Variants in COG6 observed in about 807,000 individuals in gnomAD.
COG6 encodes component of oligomeric golgi complex 6, also known as conserved oligomeric Golgi complex subunit 6.
A neutral mutation model predicts 88.8 loss-of-function variants in COG6; 74 were observed. The ratio of observed to expected loss-of-function variants is 0.83; its 90% CI spans 0.69 to 1.01. The LOEUF (loss-of-function observed/expected upper bound fraction) is 1.01, where lower values mean the gene tolerates loss of function less well. Among genes scored for constraint, COG6 ranks in the 50% least tolerant of loss-of-function variants. COG6 has a pLI of 0.00. For missense variants in COG6, 800 were observed against 797.9 expected, an observed-to-expected ratio of 1.00 and a Z score of -0.03; for synonymous variants, 286 against 278.7, an observed-to-expected ratio of 1.03 and a Z score of -0.26.
chr13:39,656,786 A>G, intron 1 of COG6: 1 of 455,502 alleles, frequency 2.2e-6, no homozygotes, highest in Non-Finnish European at 4.4e-6. Context: ...GTGCATCATG[A>G]TTTGAGTAAG....
At chr13:39,773,871 C>CTTTTTTTTTTTTTTTTTT (rs5803011) in intron 18 of COG6, among the ~76,000 whole-genome samples, 1 of 144,778 alleles carries the variant, frequency 6.9e-6, no homozygotes. Context: ...GACATTTTTG[C>CTTTTTTTTTTTTTTTTTT]TTTTTTTTTT....
Position 39,723,452 on chromosome 13 carries a change from G to T in COG6, c.1692+12G>T. ...ATAAACCTGAACAGGTAAGTGCATA[G>T]ATGTTCCTTCCTAATTCTAAGAACA... On this transcript the variant is annotated intron_variant, in intron 16 of 18. Transcript: ENST00000455146. 1.4e-6 allele frequency: 2 copies of T among 1,418,934 alleles called. No individual in the cohort carries two copies. The highest frequency in any genetic ancestry group is 2.0e-6 in the Non-Finnish European group (2 of 1,002,896). 87.9% of individuals were successfully genotyped at this position (1,418,934 alleles called of 1,614,324 possible).
At chr13:39,700,748 C>A (rs181899861) in intron 13 of COG6, among the ~76,000 whole-genome samples, 43 of 151,876 alleles carry the variant, frequency 2.8e-4, no homozygotes, top group Admixed American at 2.8e-3. Context: ...TTATAGAATT[C>A]TATGATTTAT....
intron 13 of COG6, 91 bp downstream of exon 13, chr13:39,699,709 A>G: frequency 1.4e-6 from 1 of 729,446 alleles, no homozygotes; most frequent in Admixed American, 2.0e-5. Context: ...AACTTTTCCC[A>G]TTACATTCTG....
At position 39,778,422 on chromosome 13, in the gene COG6, A is replaced by G. The variant is rs538588213; in HGVS notation, c.1827-9913A>G. On this transcript the variant is annotated intron_variant, in intron 18 of 18. Transcript: ENST00000416691. ...GTGCATTATTGATTTCTAAGTGTCTAAAAACACATCAGAATTTGCTGCAGC... is the reference window on the plus strand; with the variant it reads ...GTGCATTATTGATTTCTAAGTGTCTGAAAACACATCAGAATTTGCTGCAGC... Among the ~76,000 whole-genome samples the G allele has an allele frequency of 1.7e-4, 26 of 152,366 alleles. No homozygotes were observed. The South Asian group carries it at 5.2e-3, about 30-fold the overall frequency.
intron 12 of COG6, among the ~76,000 whole-genome samples, chr13:39,696,781 A>G (rs1182117020): frequency 6.6e-6 from 1 of 151,402 alleles, no homozygotes; most frequent in Non-Finnish European, 1.5e-5. Context: ...GTTACTCTGG[A>G]TATTCTGTGA....
chr13:39,730,899 A>C (rs1381065755), intron 18 of COG6, among the ~76,000 whole-genome samples: 1 of 150,690 alleles, frequency 6.6e-6, no homozygotes, highest in Non-Finnish European at 1.5e-5. Context: ...TCAGCTCACT[A>C]CAGCCTCCAT....
chr13:39,775,095 G>A (rs1209930206), intron 18 of COG6, among the ~76,000 whole-genome samples: 1 of 152,160 alleles, frequency 6.6e-6, no homozygotes, highest in Non-Finnish European at 1.5e-5. Flanking sequence ...TTCTGCTTTT[G>A]CTGGGAGGCC....
At chr13:39,664,477 C>G (rs1353206668) in intron 3 of COG6, among the ~76,000 whole-genome samples, 1 of 152,154 alleles carries the variant, frequency 6.6e-6, no homozygotes, top group Non-Finnish European at 1.5e-5. Flanking sequence ...TGAATGTTTT[C>G]TAATCTTGGA....
rs552448178 is a variant in COG6 at position 39,786,323 on chromosome 13, A to G, written c.1827-2012A>G. 1.7e-4 allele frequency among the ~76,000 whole-genome samples: 26 copies of G among 152,304 alleles called. No individual in the cohort carries two copies. In the South Asian group the frequency reaches 4.6e-3, roughly 27 times the overall value. ...GAGGAAGGAATGGGGAGGCAGATAAAGAGGGCAGCTGAACACTGGCTCGGC... is the reference window on the plus strand; with the variant it reads ...GAGGAAGGAATGGGGAGGCAGATAAGGAGGGCAGCTGAACACTGGCTCGGC... On this transcript the variant is annotated intron_variant, in intron 18 of 18. Coordinates refer to the COG6 transcript ENST00000416691.
At chr13:39,783,235 A>G (rs1881681371) in intron 18 of COG6, among the ~76,000 whole-genome samples, 2 of 152,222 alleles carry the variant, frequency 1.3e-5, no homozygotes, top group African/African-American at 4.8e-5. Flanking sequence ...GGTGGAGACA[A>G]AGCTATATCA....
At position 39,752,086 on chromosome 13, in the gene COG6, A is replaced by G; in HGVS notation, c.*993A>G. 2.3e-6 allele frequency: 3 copies of G among 1,284,968 alleles called. No homozygotes were observed. The highest frequency in any genetic ancestry group is 3.0e-6 in the Non-Finnish European group (3 of 987,104). 79.6% of individuals were successfully genotyped at this position (1,284,968 alleles called of 1,614,324 possible). On this transcript the variant is annotated 3_prime_UTR_variant, in exon 19 of 19. Transcript: ENST00000455146. ...TAGACCATTACCTATTAGGAAGATT[A>G]AAAATGACTGTATTTTTAAAGGAAT... is the stretch of plus-strand genomic sequence containing the variant.
At chr13:39,737,936 G>A (rs773925929) in intron 18 of COG6, among the ~76,000 whole-genome samples, 1 of 152,090 alleles carries the variant, frequency 6.6e-6, no homozygotes, top group Non-Finnish European at 1.5e-5. Flanking sequence ...TGACAGGGCA[G>A]CACTAAATTC....
chr13:39,701,225 A>G (rs1297481471), intron 13 of COG6, among the ~76,000 whole-genome samples: 1 of 151,864 alleles, frequency 6.6e-6, no homozygotes. Flanking sequence ...CATCTAGAAT[A>G]ATTCCTAGGC....
chr13:39,719,148 T>C (rs1215263793), intron 13 of COG6, 88 bp from the exon 14 acceptor site: 3 of 1,201,064 alleles, frequency 2.5e-6, no homozygotes, highest in Non-Finnish European at 3.4e-6. Flanking sequence ...TTATAACTTT[T>C]ACATTTTTTT....
At chr13:39,779,310 G>C (rs1296744436) in intron 18 of COG6, among the ~76,000 whole-genome samples, 2 of 152,190 alleles carry the variant, frequency 1.3e-5, no homozygotes, top group Non-Finnish European at 2.9e-5. Context: ...CTGTGATAGA[G>C]CTAATCCAGA....
chr13:39,692,738 G>C (rs905776189), intron 11 of COG6, among the ~76,000 whole-genome samples: 1 of 152,052 alleles, frequency 6.6e-6, no homozygotes, highest in Non-Finnish European at 1.5e-5. Flanking sequence ...CTTCTCTGCT[G>C]TCAGGGTGCC....
intron 15 of COG6, among the ~76,000 whole-genome samples, chr13:39,721,962 T>A (rs1454490751): frequency 2.0e-4 from 31 of 152,118 alleles, no homozygotes; most frequent in Admixed American, 1.9e-3. Context: ...GAGAACCATT[T>A]CAATGTAAAG....
chr13:39,775,693 CAAATT>C (rs1405687971), intron 18 of COG6, among the ~76,000 whole-genome samples: 1 of 151,794 alleles, frequency 6.6e-6, no homozygotes, highest in African/African-American at 2.4e-5. Context: ...AATACCGAAA[CAAATT>C]AAAGCATCTG....
Sources: allele counts gnomAD v4.1 joint callset (sites outside exome capture counted in the v4.1 genomes callset), GRCh38; gene constraint gnomAD v4.1.1; transcripts MANE v1.5; gene names NCBI Gene and HGNC (gene_info 2026-07-23, HGNC 2026-07-21).